Variants in CPQ observed in about 807,000 individuals in gnomAD.
CPQ encodes Ser-Met dipeptidase.
In CPQ, 37 loss-of-function variants were observed where a neutral mutation model predicts 45.7. The observed-to-expected ratio is 0.81, with a 90% CI of 0.62 to 1.07. The LOEUF (loss-of-function observed/expected upper bound fraction) is 1.07, where lower values mean the gene tolerates loss of function less well. Ranked by LOEUF, CPQ falls within the 50% of genes least tolerant of loss-of-function variation. The probability of loss-of-function intolerance (pLI) is 0.00; values close to 1 mark genes in which losing one functional copy is unlikely to be tolerated. For missense variants in CPQ, 537 were observed against 572.9 expected (o/e 0.94, Z 0.64); for synonymous variants, 186 against 205.8 (o/e 0.90, Z 0.82).
chr8:97,051,505 A>G lies in CPQ; in HGVS notation c.1054-14504A>G, dbSNP rs183537891. ...AAGATCTATGATTTCTACCAGCAAC[A>G]AAGTGACAGGTTTTGCTAATACTAC... is the stretch of plus-strand genomic sequence containing the variant. On this transcript the variant is annotated intron_variant, in intron 6 of 7. Coordinates refer to ENST00000220763, the MANE Select transcript of CPQ (RefSeq NM_016134.4). Among the ~76,000 whole-genome samples, 158 of 152,334 alleles carry G rather than the reference A, an allele frequency of 1.0e-3. 3 individuals carry two copies. The East Asian group carries it at 0.023, about 22-fold the overall frequency.
chr8:96,839,300 C>G (rs572959385), intron 3 of CPQ, among the ~76,000 whole-genome samples: 5 of 152,106 alleles, frequency 3.3e-5, no homozygotes, highest in South Asian at 4.2e-4. Flanking sequence ...GCATCGTCTC[C>G]AGGTTCATTA....
chr8:97,110,495 G>A (rs1811482289), intron 7 of CPQ, among the ~76,000 whole-genome samples: 1 of 152,096 alleles, frequency 6.6e-6, no homozygotes, highest in African/African-American at 2.4e-5. Flanking sequence ...GGGATTGCCA[G>A]GTCACAGGTT....
chr8:96,898,460 A>G (rs1421604681), intron 4 of CPQ, among the ~76,000 whole-genome samples: 3 of 152,152 alleles, frequency 2.0e-5, no homozygotes, highest in African/African-American at 4.8e-5. Context: ...AATCACTGAA[A>G]GTGCTTGCGA....
intron 2 of CPQ, among the ~76,000 whole-genome samples, chr8:96,830,144 G>A (rs150129548): frequency 3.2e-4 from 49 of 152,232 alleles, no homozygotes; most frequent in Middle Eastern, 3.4e-3. Flanking sequence ...AGAAAGCTAG[G>A]TTTCCTTTGG....
intron 1 of CPQ, among the ~76,000 whole-genome samples, chr8:96,689,681 A>T (rs938503371): frequency 5.3e-5 from 8 of 152,258 alleles, no homozygotes; most frequent in Non-Finnish European, 1.0e-4. Context: ...TAGATGGGAA[A>T]AATTATGTAT....
At chr8:96,686,627 T>G (rs1490639267) in intron 1 of CPQ, among the ~76,000 whole-genome samples, 1 of 152,088 alleles carries the variant, frequency 6.6e-6, no homozygotes, top group Non-Finnish European at 1.5e-5. Flanking sequence ...TTTTTCATGA[T>G]ATTCACAAGT....
At chr8:97,094,515 C>T (rs1811179232) in intron 7 of CPQ, among the ~76,000 whole-genome samples, 1 of 152,082 alleles carries the variant, frequency 6.6e-6, no homozygotes, top group Non-Finnish European at 1.5e-5. Context: ...AGGTTATTCT[C>T]CTATCCCCAT....
rs556701972 is a variant in CPQ at position 96,839,057 on chromosome 8, ATAT to A, written c.641+3881_641+3883del. Among the ~76,000 whole-genome samples the A allele has an allele frequency of 3.1e-3, 467 of 151,442 alleles. 1 individual carries two copies. The highest frequency in any genetic ancestry group is 0.01 in the African/African-American group (418 of 41,370). ...GGGTGATACTGGATTTCATCTAAAA[ATAT>A]TATAGAGGTCAGCAACACTAGAGAA... On this transcript the variant is annotated intron_variant, in intron 3 of 7. Coordinates refer to ENST00000220763, the MANE Select transcript of CPQ (RefSeq NM_016134.4).
At chr8:96,710,275 T>C (rs924913809) in intron 1 of CPQ, among the ~76,000 whole-genome samples, 2 of 152,072 alleles carry the variant, frequency 1.3e-5, no homozygotes, top group Non-Finnish European at 2.9e-5. Flanking sequence ...TTGAATCTTC[T>C]CTCTTCTGTT....
chr8:96,714,913 G>A (rs963301790), intron 1 of CPQ, among the ~76,000 whole-genome samples: 15 of 152,006 alleles, frequency 9.9e-5, no homozygotes, highest in South Asian at 2.1e-4. Flanking sequence ...TATGAAATTC[G>A]TTGATTATAG....
intron 1 of CPQ, among the ~76,000 whole-genome samples, chr8:96,661,821 A>G (rs1041288813): frequency 6.6e-6 from 1 of 152,160 alleles, no homozygotes; most frequent in Non-Finnish European, 1.5e-5. Flanking sequence ...CCATTGCTGG[A>G]TTGTATGTTA....
At chr8:96,757,776 G>A (rs1024516076) in intron 1 of CPQ, among the ~76,000 whole-genome samples, 1 of 152,068 alleles carries the variant, frequency 6.6e-6, no homozygotes, top group Non-Finnish European at 1.5e-5. Context: ...TGAGGTTTTA[G>A]AGAGTTATCT....
At chr8:97,042,946 A>T (rs1810158198) in intron 6 of CPQ, among the ~76,000 whole-genome samples, 1 of 152,100 alleles carries the variant, frequency 6.6e-6, no homozygotes, top group South Asian at 2.1e-4. Flanking sequence ...GTGGTGCTGA[A>T]AAAAATGTAT....
intron 5 of CPQ, among the ~76,000 whole-genome samples, chr8:96,991,169 ACT>A (rs965251949): frequency 6.5e-4 from 99 of 152,202 alleles, no homozygotes; most frequent in African/African-American, 2.2e-3. Flanking sequence ...TTGAGGCCTG[ACT>A]CTGCCACCTG....
intron 1 of CPQ, among the ~76,000 whole-genome samples, chr8:96,689,885 G>T (rs771382503): frequency 6.6e-6 from 1 of 151,662 alleles, no homozygotes; most frequent in East Asian, 1.9e-4. Context: ...TTTTAACTTG[G>T]TTATTTACAT....
At chr8:96,950,440 A>C (rs77602471) in intron 4 of CPQ, among the ~76,000 whole-genome samples, 2,293 of 152,232 alleles carry the variant, frequency 0.015, 37 homozygotes, top group Middle Eastern at 0.024. Context: ...AGGAAATAAA[A>C]AGGTCTCTGT....
intron 7 of CPQ, among the ~76,000 whole-genome samples, chr8:97,122,977 AAAATT>A (rs1563586920): frequency 1.3e-4 from 7 of 52,332 alleles, no homozygotes; most frequent in Non-Finnish European, 2.3e-4. Flanking sequence ...AAAATAAAAT[AAAATT>A]AAAATAAAAT....
chr8:97,028,028 G>C (rs1586502203), intron 5 of CPQ, among the ~76,000 whole-genome samples: 1 of 152,288 alleles, frequency 6.6e-6, no homozygotes, highest in East Asian at 1.9e-4. Context: ...GCCAAGATGA[G>C]AATTTGGATT....
At chr8:96,797,447 T>C (rs1447473512) in intron 2 of CPQ, among the ~76,000 whole-genome samples, 1 of 152,224 alleles carries the variant, frequency 6.6e-6, no homozygotes, top group Non-Finnish European at 1.5e-5. Context: ...ATTGGTTATA[T>C]AGTACAAGTA....
Sources: allele counts gnomAD v4.1 joint callset (sites outside exome capture counted in the v4.1 genomes callset), GRCh38; gene constraint gnomAD v4.1.1; transcripts MANE v1.5; gene names NCBI Gene and HGNC (gene_info 2026-07-23, HGNC 2026-07-21).